Variants in COL16A1 observed in about 807,000 individuals in gnomAD.
The protein encoded by COL16A1 is collagen alpha-1(XVI) chain.
Under a neutral mutation model 266.3 loss-of-function variants are expected in COL16A1, and 189 were observed. The observed-to-expected ratio is 0.71, with a 90% confidence interval of 0.63 to 0.80. The LOEUF (loss-of-function observed/expected upper bound fraction) is 0.80, where lower values mean the gene tolerates loss of function less well. Ranked by LOEUF, COL16A1 falls within the 30% of genes least tolerant of loss-of-function variation. The probability of loss-of-function intolerance (pLI) is 0.00; values close to 1 mark genes in which losing one functional copy is unlikely to be tolerated. For synonymous variants in COL16A1, 740 were observed against 782.3 expected (o/e 0.95, Z 0.90); for missense variants, 1,928 against 2,122.4 (o/e 0.91, Z 1.80).
Position 31,699,843 on chromosome 1 carries a change from A to G in COL16A1, c.236T>C (p.Leu79Pro). The G allele has an allele frequency of 6.2e-7, 1 of 1,613,564 alleles. No homozygotes were observed. Among genetic ancestry groups the G allele is most frequent in the Non-Finnish European group, 8.5e-7 (1 of 1,179,494 alleles). The change falls in exon 4 of 71, where the codon CTG (leucine) becomes CCG (proline). Residue 79 changes from leucine to proline, a missense_variant. By Grantham distance (98) the Leu-to-Pro change is moderately conservative. Transcript: ENST00000373672. The stretch of plus-strand genomic sequence containing the variant: ...GGGCTGGGTCACGGGGGCCGCCCCC[A>G]GGCGCAGGATGAGAGGCCCCTTGGG... ...RNPKGPLILR[L>P]GAAPVTQPTR...
chr1:31,660,942 CT>C, intron 61 of COL16A1, 123 bp downstream of exon 61: 1 of 1,123,192 alleles, frequency 8.9e-7, no homozygotes, highest in Non-Finnish European at 1.3e-6. Context: ...GGTGACACCC[CT>C]CCCAGAAGGC....
intron 20 of COL16A1, 71 bp downstream of exon 20, chr1:31,691,117 C>T: frequency 2.5e-6 from 4 of 1,569,534 alleles, no homozygotes; most frequent in South Asian, 2.4e-5. Context: ...TGGGAAGCTG[C>T]CCCGGCCCCT....
intron 37 of COL16A1, among the ~76,000 whole-genome samples, chr1:31,681,998 G>A (rs1367237354): frequency 1.6e-5 from 2 of 128,784 alleles, no homozygotes; most frequent in African/African-American, 2.9e-5. Flanking sequence ...CGCAAAGACA[G>A]AAGAGGATAC....
At chr1:31,654,941 G>A in intron 67 of COL16A1, 83 bp from the exon 68 acceptor site, 2 of 1,516,344 alleles carry the variant, frequency 1.3e-6, no homozygotes, top group Non-Finnish European at 1.8e-6. Context: ...TGGGGAGGAA[G>A]GCAAAGGTCC....
At chr1:31,691,369 G>A (rs374969353) in intron 19 of COL16A1, 48 bp downstream of exon 19, 53 of 1,589,684 alleles carry the variant, frequency 3.3e-5, no homozygotes, top group Non-Finnish European at 4.3e-5. Flanking sequence ...CAGGGTGGGA[G>A]AGCGGTCTCT....
chr1:31,692,357 T>C, intron 16 of COL16A1, 117 bp downstream of exon 16: 4 of 1,462,224 alleles, frequency 2.7e-6, no homozygotes, highest in Non-Finnish European at 3.7e-6. Flanking sequence ...GGGAGGGTCC[T>C]GCCAGCTCTG....
chr1:31,682,596 CCTGGCT>C (rs1643725876), intron 37 of COL16A1, among the ~76,000 whole-genome samples: 1 of 152,104 alleles, frequency 6.6e-6, no homozygotes, highest in African/African-American at 2.4e-5. Flanking sequence ...GGTTGAAGTC[CCTGGCT>C]CTGCCTCCTC....
rs550386061 is a variant in COL16A1 at position 31,668,383 on chromosome 1, C to T, written c.3250-165G>A. Among the ~76,000 whole-genome samples the T allele has an allele frequency of 7.9e-5, 12 of 152,294 alleles. No individual in the cohort carries two copies. Among genetic ancestry groups the T allele is most frequent in the South Asian group, 2.1e-4 (1 of 4,832 alleles). ...CATCTCCCCAAGCCCCAGGTCCCCTCGGTCGTGACCACCACCACAGACCTG... is the reference window on the plus strand; with the variant it reads ...CATCTCCCCAAGCCCCAGGTCCCCTTGGTCGTGACCACCACCACAGACCTG... On this transcript the variant is annotated intron_variant, in intron 50 of 70. Coordinates refer to ENST00000373672, the MANE Select transcript of COL16A1 (RefSeq NM_001856.4). The surrounding 1 kb of genome is among the most constrained non-coding windows in gnomAD (Gnocchi z 5.8).
intron 9 of COL16A1, 48 bp downstream of exon 9, chr1:31,696,040 A>C: frequency 1.3e-6 from 2 of 1,529,758 alleles, no homozygotes; most frequent in Non-Finnish European, 1.8e-6. Context: ...AGGGGCACAG[A>C]GGGCAGACTG....
At chr1:31,660,699 T>C (rs1641577288) in intron 61 of COL16A1, 61 bp from the exon 62 acceptor site, 2 of 1,607,030 alleles carry the variant, frequency 1.2e-6, no homozygotes, top group Admixed American at 3.4e-5. Flanking sequence ...ACCATGTGGC[T>C]GTCGGATGGG....
In COL16A1 at chr1:31,688,993, TCAGAAATGCTTC is replaced by T; in HGVS notation, c.1657-34_1657-23del. The T allele has an allele frequency of 6.2e-7, 1 of 1,613,892 alleles. No homozygotes were observed. Among genetic ancestry groups the T allele is most frequent in the Non-Finnish European group, 8.5e-7 (1 of 1,179,930 alleles). On this transcript the variant is annotated intron_variant, in intron 24 of 70. Transcript: ENST00000373672. The surrounding 1 kb of genome is among the most constrained non-coding windows in gnomAD (Gnocchi z 4.9). Reference sequence around the variant, plus strand: ...CCCCCTGGGGAAAGAAGAGGAAGGATCAGAAATGCTTCCAGGTAGGCAGAGGAGGGCAGCCAG... The same window carrying T: ...CCCCCTGGGGAAAGAAGAGGAAGGATCAGGTAGGCAGAGGAGGGCAGCCAG...
intron 61 of COL16A1, among the ~76,000 whole-genome samples, 177 bp downstream of exon 61, chr1:31,660,889 C>T (rs1215411159): frequency 6.6e-6 from 1 of 152,254 alleles, no homozygotes; most frequent in Non-Finnish European, 1.5e-5. Context: ...GAACCAGTTA[C>T]AACCCTTAAT....
Position 31,665,935 on chromosome 1 carries a change from C to G in COL16A1, c.3403G>C (p.Gly1135Arg). Residue 1135 changes from glycine to arginine, a missense_variant and splice_region_variant, in exon 54 of 71, where the codon GGT becomes CGT. By Grantham distance (125) the Gly-to-Arg change is moderately radical. This residue lies in a region of COL16A1 where 1,552 missense variants were observed against 1,637.2 expected (regional missense o/e 0.95). Transcript: ENST00000373672. ...EGLPGPPGPA[G>R]PRGERGPQGN... The stretch of plus-strand genomic sequence containing the variant: ...TGGGGTCCTCGCTCTCCTCTGGGAC[C>G]CTGTCACCCACAGAGAACAATGCAG... 1 of 1,614,080 alleles carries G rather than the reference C, an allele frequency of 6.2e-7. No homozygotes were observed. Among genetic ancestry groups the G allele is most frequent in the Non-Finnish European group, 8.5e-7 (1 of 1,180,008 alleles).
intron 42 of COL16A1, among the ~76,000 whole-genome samples, chr1:31,677,369 G>A (rs189450466): frequency 2.0e-5 from 3 of 152,344 alleles, no homozygotes; most frequent in East Asian, 3.9e-4. Context: ...GATTACAGGC[G>A]TGAGCCACCA....
Position 31,699,829 on chromosome 1 carries a change from C to T in COL16A1, c.250G>A (p.Val84Met), listed in dbSNP as rs1489360573. The T allele has an allele frequency of 4.3e-6, 7 of 1,610,608 alleles. No homozygotes were observed. The highest frequency in any genetic ancestry group is 2.7e-5 in the African/African-American group (2 of 74,854). Reference sequence around the variant, plus strand: ...TGCATTTACCGCGTGGGCTGGGTCACGGGGGCCGCCCCCAGGCGCAGGATG... The same window carrying T: ...TGCATTTACCGCGTGGGCTGGGTCATGGGGGCCGCCCCCAGGCGCAGGATG... Reference protein sequence around the residue: ...PLILRLGAAPVTQPTRRVFPR... With the variant: ...PLILRLGAAPMTQPTRRVFPR... Residue 84 changes from valine (V) to methionine (M), a missense_variant, in exon 4 of 71, where the codon GTG becomes ATG. Transcript: ENST00000373672.
Position 31,691,177 on chromosome 1 carries a change from C to T in COL16A1, c.1437+11G>A. 6.2e-7 allele frequency: 1 copy of T among 1,613,588 alleles called. No homozygotes were observed. Among genetic ancestry groups the T allele is most frequent in the Non-Finnish European group, 8.5e-7 (1 of 1,179,766 alleles). On this transcript the variant is annotated intron_variant, in intron 20 of 70. Coordinates refer to ENST00000373672, the MANE Select transcript of COL16A1 (RefSeq NM_001856.4). ...AGCTCCCCACGTGACCACACTCCCA[C>T]CTATGCTCACCTTGTCTCCCTTGGG...
chr1:31,658,688 G>T (rs552847335), intron 63 of COL16A1, 111 bp from the exon 64 acceptor site: 182 of 1,119,414 alleles, frequency 1.6e-4, no homozygotes, highest in Non-Finnish European at 2.2e-4. Context: ...GGGAGAGGTG[G>T]CACTGCCTGA....
intron 54 of COL16A1, 63 bp downstream of exon 54, chr1:31,665,819 G>A (rs1274608811): frequency 3.7e-6 from 6 of 1,611,956 alleles, no homozygotes; most frequent in Non-Finnish European, 5.1e-6. Context: ...ACTAGAGCTG[G>A]TGATCACCAG....
intron 1 of COL16A1, among the ~76,000 whole-genome samples, chr1:31,702,494 G>T (rs1644758159): frequency 1.3e-5 from 2 of 152,244 alleles, no homozygotes; most frequent in African/African-American, 4.8e-5. Flanking sequence ...CACTGAAATA[G>T]TGTCCAGGCA....
Sources: gnomAD v4.1 joint callset for allele counts (sites outside exome capture counted in the v4.1 genomes callset) on GRCh38, gnomAD v4.1.1 for gene constraint, gnomAD v4.1.1 regional missense constraint, Gnocchi (gnomAD v3.1) non-coding constraint, MANE v1.5 for transcripts, NCBI Gene and HGNC (gene_info 2026-07-23, HGNC 2026-07-21) for gene names.